Variants in LAMA2 observed in about 807,000 individuals in gnomAD.
LAMA2 encodes the protein laminin subunit alpha-2.
Under a neutral mutation model 364.8 loss-of-function variants are expected in LAMA2, and 269 were observed. That is an observed-to-expected ratio of 0.74 (90% confidence interval 0.67 to 0.82). LAMA2 has a LOEUF of 0.82. Among genes scored for constraint, LAMA2 ranks in the 40% least tolerant of loss-of-function variants. The pLI is 0.00. For missense variants in LAMA2, 3,807 were observed against 3,873.2 expected (o/e 0.98, Z 0.45); for synonymous variants, 1,379 against 1,370.6 (o/e 1.01, Z -0.14).
chr6:129,162,999 G>T (rs1299726995), intron 8 of LAMA2, among the ~76,000 whole-genome samples: 1 of 152,160 alleles, frequency 6.6e-6, no homozygotes, highest in Admixed American at 6.5e-5. Context: ...AATAAACTAT[G>T]ATGTGTCTAT....
At chr6:128,935,526 C>T (rs1467095348) in intron 1 of LAMA2, among the ~76,000 whole-genome samples, 1 of 152,098 alleles carries the variant, frequency 6.6e-6, no homozygotes, top group Non-Finnish European at 1.5e-5. Context: ...AGTAAACATA[C>T]ATGTACATGT....
intron 55 of LAMA2, among the ~76,000 whole-genome samples, chr6:129,481,981 C>G (rs927550481): frequency 2.0e-5 from 3 of 152,084 alleles, no homozygotes; most frequent in Non-Finnish European, 4.4e-5. Context: ...ACAATTTTAT[C>G]CCAATAGCAT....
intron 45 of LAMA2, among the ~76,000 whole-genome samples, chr6:129,450,586 G>C (rs1027999724): frequency 6.6e-6 from 1 of 152,112 alleles, no homozygotes; most frequent in Non-Finnish European, 1.5e-5. Context: ...CTCCCAAAGT[G>C]CTGGGATTAC....
intron 1 of LAMA2, among the ~76,000 whole-genome samples, chr6:128,980,668 T>A (rs975747351): frequency 6.6e-6 from 1 of 152,202 alleles, no homozygotes; most frequent in Non-Finnish European, 1.5e-5. Flanking sequence ...GAGACTTTCA[T>A]ATAAAACTAT....
chr6:129,148,307 A>T (rs1179116539), intron 6 of LAMA2, among the ~76,000 whole-genome samples: 1 of 152,106 alleles, frequency 6.6e-6, no homozygotes, highest in Non-Finnish European at 1.5e-5. Flanking sequence ...AAACAATGAG[A>T]ACACATGGAC....
intron 4 of LAMA2, among the ~76,000 whole-genome samples, chr6:129,136,385 AT>A (rs1288030727): frequency 6.6e-6 from 1 of 152,152 alleles, no homozygotes; most frequent in Non-Finnish European, 1.5e-5. Context: ...ATTTTTGATC[AT>A]TTTTAAAAAG....
chr6:129,044,454 G>A (rs957519037), intron 1 of LAMA2, among the ~76,000 whole-genome samples: 14 of 151,768 alleles, frequency 9.2e-5, no homozygotes, highest in African/African-American at 3.4e-4. Flanking sequence ...AACAGTGGAA[G>A]TTAGGTGATT....
At chr6:128,983,003 A>G (rs976419075) in intron 1 of LAMA2, among the ~76,000 whole-genome samples, 3 of 148,710 alleles carry the variant, frequency 2.0e-5, no homozygotes, top group Non-Finnish European at 4.4e-5. Context: ...TTCTTAATCC[A>G]GTCTATCATT....
chr6:129,285,756 C>T (rs1208821184), intron 18 of LAMA2, among the ~76,000 whole-genome samples: 1 of 152,172 alleles, frequency 6.6e-6, no homozygotes, highest in East Asian at 1.9e-4. Flanking sequence ...TTATCTTTAT[C>T]AAATGCCTCT....
intron 28 of LAMA2, among the ~76,000 whole-genome samples, chr6:129,323,373 C>T (rs1374132118): frequency 1.3e-5 from 2 of 152,118 alleles, no homozygotes; most frequent in African/African-American, 2.4e-5. Context: ...AATATGGTTG[C>T]AAGTAAACAA....
intron 41 of LAMA2, among the ~76,000 whole-genome samples, chr6:129,436,483 G>A (rs553613156): frequency 6.6e-6 from 1 of 152,048 alleles, no homozygotes; most frequent in East Asian, 1.9e-4. Flanking sequence ...ATCTTATTAG[G>A]GTATTTTTAT....
chr6:129,265,590 G>T (rs1004671135), intron 15 of LAMA2, among the ~76,000 whole-genome samples: 4 of 151,946 alleles, frequency 2.6e-5, no homozygotes, highest in Non-Finnish European at 5.9e-5. Flanking sequence ...AATGGGAAGG[G>T]ATTTAATTGG....
At chr6:129,224,060 C>T (rs1033955046) in intron 12 of LAMA2, among the ~76,000 whole-genome samples, 8 of 152,178 alleles carry the variant, frequency 5.3e-5, no homozygotes, top group African/African-American at 1.7e-4. Context: ...AGGTCCTTCA[C>T]ATCCCTTGTA....
intron 41 of LAMA2, among the ~76,000 whole-genome samples, chr6:129,434,544 A>G (rs1781748106): frequency 1.3e-5 from 2 of 152,222 alleles, no homozygotes; most frequent in East Asian, 1.9e-4. Flanking sequence ...ACTATGGATT[A>G]TAAATTAAAT....
At chr6:129,228,738 A>G (rs151037217) in intron 12 of LAMA2, among the ~76,000 whole-genome samples, 59 of 152,304 alleles carry the variant, frequency 3.9e-4, no homozygotes, top group East Asian at 1.2e-3. Context: ...AAATGTAGGC[A>G]TAAGAAAAAT....
intron 1 of LAMA2, among the ~76,000 whole-genome samples, chr6:128,904,138 A>G (rs1008089190): frequency 6.6e-6 from 1 of 152,172 alleles, no homozygotes; most frequent in Admixed American, 6.5e-5. Flanking sequence ...CATCCAGGTC[A>G]AGATCACTCA....
intron 40 of LAMA2, among the ~76,000 whole-genome samples, chr6:129,423,419 G>A (rs1781175845): frequency 6.6e-6 from 1 of 151,960 alleles, no homozygotes; most frequent in African/African-American, 2.4e-5. Flanking sequence ...TAAAATCCTG[G>A]TGGTTCATGC....
At chr6:128,919,443 A>G (rs1429171180) in intron 1 of LAMA2, among the ~76,000 whole-genome samples, 2 of 152,212 alleles carry the variant, frequency 1.3e-5, no homozygotes, top group Admixed American at 1.3e-4. Context: ...CCACAAATCA[A>G]TCCTAGTTCC....
rs200646230 is a variant in LAMA2, at chr6:129,314,672, C to T, written c.3429C>T (p.Ile1143=). 4 of 1,613,518 alleles carry T rather than the reference C, an allele frequency of 2.5e-6. No homozygotes were observed. The highest frequency in any genetic ancestry group is 2.2e-5 in the East Asian group (1 of 44,886). ...TTCCTCAGGTGAATGTGGAAGGCAT[C>T]CACTGTGACAGATGCCGGCCTGGCA... ...QCTCKVNVEG[I]HCDRCRPGKF... The change falls in exon 24 of 65, where the codon ATC becomes ATT. Residue 1143 remains isoleucine, a synonymous_variant. Transcript: ENST00000421865.
Sources: gnomAD v4.1 joint callset for allele counts (sites outside exome capture counted in the v4.1 genomes callset) on GRCh38, gnomAD v4.1.1 for gene constraint, MANE v1.5 for transcripts, NCBI Gene and HGNC (gene_info 2026-07-23, HGNC 2026-07-21) for gene names.